The following KCTD3 variants were observed in gnomAD, a reference collection of about 807,000 sequenced individuals.
KCTD3 encodes the protein BTB/POZ domain-containing protein KCTD3.
KCTD3 carries 41 observed loss-of-function variants against 85.8 expected under a neutral mutation model. The observed-to-expected ratio is 0.48, with a 90% CI of 0.37 to 0.62. KCTD3 has a LOEUF of 0.62. KCTD3 is among the 20% of genes least tolerant of loss of function. The pLI is 0.00. For synonymous variants in KCTD3, 338 were observed against 345.4 expected (o/e 0.98, Z 0.24); for missense variants, 724 against 989.9 (o/e 0.73, Z 3.60).
chr1:215,587,565 T>C (rs1346908575), intron 9 of KCTD3, among the ~76,000 whole-genome samples: 1 of 152,222 alleles, frequency 6.6e-6, no homozygotes, highest in African/African-American at 2.4e-5. Flanking sequence ...TTTCCAAAAA[T>C]GTGTGAGAAG....
intron 10 of KCTD3, among the ~76,000 whole-genome samples, chr1:215,599,862 GA>G: frequency 6.7e-6 from 1 of 149,694 alleles, no homozygotes; most frequent in East Asian, 2.0e-4. Context: ...TGTGCCTTGG[GA>G]AGCGCTAGGC....
At chr1:215,576,871 A>G (rs990733881) in intron 4 of KCTD3, among the ~76,000 whole-genome samples, 1 of 152,112 alleles carries the variant, frequency 6.6e-6, no homozygotes, top group African/African-American at 2.4e-5. Flanking sequence ...CCCAGACACA[A>G]AGTTTTAAGC....
At chr1:215,618,729 A>AAAC in intron 15 of KCTD3, 157 bp from the exon 16 acceptor site, 1 of 609,370 alleles carries the variant, frequency 1.6e-6, no homozygotes, top group Non-Finnish European at 2.8e-6. Context: ...TTCTGGTTTC[A>AAAC]GATTTTAAAG....
rs528996940 is a variant in KCTD3, at chr1:215,595,221, C to T, written c.818-135C>T. ...AGCTTGTGAGTTTCTTATTTCTAGT[C>T]CCCAACACGTATAGCACATAGTTTG... On this transcript the variant is annotated intron_variant, in intron 9 of 17. Coordinates refer to ENST00000259154, the MANE Select transcript of KCTD3 (RefSeq NM_016121.5). 6.5e-4 allele frequency: 395 copies of T among 604,574 alleles called. 10 individuals are homozygous for T. The South Asian group carries it at 8.2e-3, about 13-fold the overall frequency. 37.5% of individuals were successfully genotyped at this position (604,574 alleles called of 1,614,324 possible). A position where few individuals can be genotyped will look rare whatever the true frequency, so the allele number is the denominator to read the frequency against.
chr1:215,586,283 G>A (rs1177090380), intron 8 of KCTD3, among the ~76,000 whole-genome samples: 2 of 152,088 alleles, frequency 1.3e-5, no homozygotes, highest in East Asian at 3.8e-4. Flanking sequence ...TATGTGCTAT[G>A]TATGCAAGTA....
chr1:215,613,768 A>G (rs1225270789), intron 15 of KCTD3, among the ~76,000 whole-genome samples: 2 of 151,998 alleles, frequency 1.3e-5, no homozygotes, highest in Non-Finnish European at 2.9e-5. Context: ...TCTTTTCCCC[A>G]TTGTTTATTA....
intron 1 of KCTD3, among the ~76,000 whole-genome samples, chr1:215,571,306 G>C (rs904302179): frequency 1.5e-4 from 23 of 152,124 alleles, no homozygotes; most frequent in Admixed American, 1.3e-3. Context: ...TCTGTGACTG[G>C]GGTAATCTGT....
At chr1:215,605,742 C>T (rs908625234) in intron 13 of KCTD3, among the ~76,000 whole-genome samples, 8 of 152,096 alleles carry the variant, frequency 5.3e-5, no homozygotes, top group Admixed American at 4.6e-4. Context: ...ATCTAGGAAT[C>T]ACCCTTGATT....
intron 8 of KCTD3, among the ~76,000 whole-genome samples, chr1:215,585,933 C>T (rs1432388615): frequency 6.6e-6 from 1 of 152,058 alleles, no homozygotes; most frequent in Non-Finnish European, 1.5e-5. Flanking sequence ...TATAATAGTG[C>T]TAATGTATTG....
chr1:215,572,470 CT>C (rs1659403970), intron 1 of KCTD3, among the ~76,000 whole-genome samples: 1 of 152,200 alleles, frequency 6.6e-6, no homozygotes, highest in Non-Finnish European at 1.5e-5. Context: ...ATCTGTGAGA[CT>C]TCTGACACTA....
chr1:215,589,775 G>T (rs1173527049), intron 9 of KCTD3, among the ~76,000 whole-genome samples: 5 of 152,120 alleles, frequency 3.3e-5, no homozygotes, highest in Non-Finnish European at 7.4e-5. Context: ...TCAGTTGTCT[G>T]TTCCTTTTTA....
intron 8 of KCTD3, chr1:215,581,005 T>G: frequency 2.2e-6 from 1 of 460,200 alleles, no homozygotes; most frequent in Non-Finnish European, 4.4e-6. Context: ...GTCACGCCTG[T>G]AATCCCAGCA....
rs1659190295 is a variant in KCTD3 at position 215,567,735 on chromosome 1, G to T, written c.50G>T (p.Gly17Val). The T allele has an allele frequency of 8.0e-7, 1 of 1,244,336 alleles. No individual in the cohort carries two copies. The highest frequency in any genetic ancestry group is 1.5e-5 in the African/African-American group (1 of 64,622). 77.1% of individuals were successfully genotyped at this position (1,244,336 alleles called of 1,614,324 possible). A position where few individuals can be genotyped will look rare whatever the true frequency, so the allele number is the denominator to read the frequency against. The change falls in exon 1 of 18, where the codon GGC becomes GTC. Residue 17 changes from glycine to valine, a missense_variant. This residue lies in a region of KCTD3 where 97 missense variants were observed against 115.7 expected (regional missense o/e 0.84). Transcript: ENST00000259154. ...GSFPAAAAGS[G>V]EIVQLNVGGT... The stretch of plus-strand genomic sequence containing the variant: ...TTCCCCGCGGCGGCGGCCGGCAGCG[G>T]CGAGATCGTCCAACTGAACGTAGGG...
At chr1:215,582,252 A>G (rs1347715433) in intron 8 of KCTD3, among the ~76,000 whole-genome samples, 3 of 152,066 alleles carry the variant, frequency 2.0e-5, no homozygotes, top group Non-Finnish European at 2.9e-5. Flanking sequence ...ATCTTGCTTT[A>G]TGTGTGTGTA....
intron 8 of KCTD3, among the ~76,000 whole-genome samples, chr1:215,586,188 G>A (rs1660000543): frequency 1.3e-5 from 2 of 151,978 alleles, no homozygotes; most frequent in African/African-American, 4.8e-5. Context: ...TTTTTTTAAA[G>A]TTTCTGAAAT....
At chr1:215,591,325 TC>T in intron 9 of KCTD3, among the ~76,000 whole-genome samples, 1 of 148,786 alleles carries the variant, frequency 6.7e-6, no homozygotes, top group East Asian at 2.0e-4. Context: ...CTTCCTTCCT[TC>T]CTTCCTTCCT....
chr1:215,568,693 T>G (rs1659250734), intron 1 of KCTD3, among the ~76,000 whole-genome samples: 1 of 152,124 alleles, frequency 6.6e-6, no homozygotes, highest in Non-Finnish European at 1.5e-5. Flanking sequence ...TTTTCTGTGC[T>G]TGAGAATATG....
chr1:215,610,220 G>A (rs1349401042), intron 14 of KCTD3, among the ~76,000 whole-genome samples: 2 of 151,850 alleles, frequency 1.3e-5, no homozygotes, highest in Non-Finnish European at 2.9e-5. Flanking sequence ...GATATTGGAG[G>A]TGACCATGAA....
chr1:215,612,844 G>A (rs1655280363), intron 15 of KCTD3, among the ~76,000 whole-genome samples: 1 of 152,078 alleles, frequency 6.6e-6, no homozygotes, highest in African/African-American at 2.4e-5. Context: ...TCTATTGACT[G>A]AAATTTTACT....
Sources: gnomAD v4.1 joint callset for allele counts (sites outside exome capture counted in the v4.1 genomes callset) on GRCh38, gnomAD v4.1.1 for gene constraint, gnomAD v4.1.1 regional missense constraint, MANE v1.5 for transcripts, NCBI Gene and HGNC (gene_info 2026-07-23, HGNC 2026-07-21) for gene names.